The following SEM1 variants were observed in gnomAD, a reference collection of about 807,000 sequenced individuals.
The protein encoded by SEM1 is 26S proteasome complex subunit SEM1.
A neutral mutation model predicts 12.7 loss-of-function variants in SEM1; 3 were observed. The ratio of observed to expected loss-of-function variants is 0.24; its 90% CI spans 0.11 to 0.61. SEM1 has a LOEUF of 0.61. Ranked by LOEUF, SEM1 falls within the 20% of genes least tolerant of loss-of-function variation. SEM1 has a pLI of 0.88. For synonymous variants in SEM1, 30 were observed against 27.8 expected, an observed-to-expected ratio of 1.08 and a Z score of -0.25; for missense variants, 59 against 81.3, an observed-to-expected ratio of 0.73 and a Z score of 1.06.
intron 2 of SEM1, among the ~76,000 whole-genome samples, chr7:96,566,654 C>A (rs572516388): frequency 2.0e-4 from 30 of 151,592 alleles, no homozygotes; most frequent in African/African-American, 6.0e-4. Context: ...TTTATGTAGG[C>A]AAATTTATCA....
chr7:96,663,477 CTA>C (rs2116535554), intron 2 of SEM1, among the ~76,000 whole-genome samples: 1 of 152,218 alleles, frequency 6.6e-6, no homozygotes, highest in South Asian at 2.1e-4. Context: ...GAGTCTGAGA[CTA>C]TGATTCGGGC....
At chr7:96,697,906 C>G (rs1790148812) in intron 1 of SEM1, among the ~76,000 whole-genome samples, 1 of 152,020 alleles carries the variant, frequency 6.6e-6, no homozygotes, top group Non-Finnish European at 1.5e-5. Flanking sequence ...TATCATAATG[C>G]AAACACCCGT....
intron 2 of SEM1, among the ~76,000 whole-genome samples, chr7:96,525,738 CT>C (rs901305675): frequency 6.6e-6 from 1 of 152,158 alleles, no homozygotes; most frequent in Non-Finnish European, 1.5e-5. Context: ...GAATTACTGC[CT>C]GAGCTCTACC....
intron 2 of SEM1, among the ~76,000 whole-genome samples, chr7:96,485,272 A>T (rs1486012656): frequency 6.6e-6 from 1 of 152,172 alleles, no homozygotes; most frequent in Non-Finnish European, 1.5e-5. Context: ...TAGTGGCTTA[A>T]AACAAGGCAA....
chr7:96,521,031 A>G (rs1804250827), intron 2 of SEM1, among the ~76,000 whole-genome samples: 1 of 152,118 alleles, frequency 6.6e-6, no homozygotes, highest in Non-Finnish European at 1.5e-5. Context: ...ATTTTGCTGC[A>G]AAACCTCACA....
At chr7:96,602,469 C>T (rs1807224834) in intron 2 of SEM1, among the ~76,000 whole-genome samples, 1 of 152,178 alleles carries the variant, frequency 6.6e-6, no homozygotes, top group Admixed American at 6.5e-5. Context: ...CTCTTCAGCT[C>T]ACCAATATCT....
At chr7:96,488,571 C>A (rs946028584) in intron 1 of SEM1, among the ~76,000 whole-genome samples, 1 of 152,100 alleles carries the variant, frequency 6.6e-6, no homozygotes, top group African/African-American at 2.4e-5. Context: ...GCCAGGGAAG[C>A]CTTTCTGCTT....
At chr7:96,535,025 C>T (rs915267005) in intron 2 of SEM1, among the ~76,000 whole-genome samples, 1 of 151,778 alleles carries the variant, frequency 6.6e-6, no homozygotes, top group African/African-American at 2.4e-5. Context: ...AAACTTGAGG[C>T]CTTCTGTTCT....
chr7:96,486,723 G>C (rs1282443723), intron 1 of SEM1, among the ~76,000 whole-genome samples: 1 of 152,156 alleles, frequency 6.6e-6, no homozygotes, highest in Admixed American at 6.5e-5. Context: ...GTATATAATA[G>C]TAGCCTTTGA....
chr7:96,499,160 A>G (rs1226926079), upstream of SEM1, among the ~76,000 whole-genome samples: 1 of 150,842 alleles, frequency 6.6e-6, no homozygotes, highest in Non-Finnish European at 1.5e-5. Context: ...CAGCTTCACA[A>G]TTTTTGAAGT....
At chr7:96,523,584 C>T (rs904952321) in intron 2 of SEM1, among the ~76,000 whole-genome samples, 15 of 152,226 alleles carry the variant, frequency 9.9e-5, no homozygotes, top group South Asian at 6.2e-4. Context: ...GCTTTTGTTG[C>T]GGTTCAGACC....
Position 96,709,678 on chromosome 7 carries a change from C to G in SEM1, c.76+10G>C. The G allele has an allele frequency of 1.2e-6, 2 of 1,613,090 alleles. No individual in the cohort carries two copies. Among genetic ancestry groups the G allele is most frequent in the South Asian group, 2.2e-5 (2 of 91,036 alleles). On this transcript the variant is annotated intron_variant, in intron 1 of 2. Coordinates refer to ENST00000248566, the MANE Select transcript of SEM1 (RefSeq NM_006304.2). ...TTCGCGCGACACAGAAACCGGGGCCCAGCGGTTACCTTCGGCAGGGAACTC... is the reference window on the plus strand; with the variant it reads ...TTCGCGCGACACAGAAACCGGGGCCGAGCGGTTACCTTCGGCAGGGAACTC...
intron 1 of SEM1, among the ~76,000 whole-genome samples, chr7:96,704,351 A>G (rs1014291351): frequency 6.6e-6 from 1 of 152,146 alleles, no homozygotes; most frequent in Non-Finnish European, 1.5e-5. Flanking sequence ...TTTTTAATTT[A>G]TACTCTCATT....
intron 1 of SEM1, among the ~76,000 whole-genome samples, chr7:96,707,745 G>A (rs930093742): frequency 1.3e-5 from 2 of 152,192 alleles, no homozygotes; most frequent in Admixed American, 1.3e-4. Context: ...ACTCGCAAAA[G>A]CTGATGAAAG....
At chr7:96,508,993 C>CTTTT (rs11438472) in intron 2 of SEM1, among the ~76,000 whole-genome samples, 1 of 142,850 alleles carries the variant, frequency 7.0e-6, no homozygotes, top group Non-Finnish European at 1.5e-5. Context: ...AGAAACACAA[C>CTTTT]TTTTTTTTTT....
At chr7:96,541,275 T>C (rs955058778) in intron 2 of SEM1, among the ~76,000 whole-genome samples, 6 of 151,826 alleles carry the variant, frequency 4.0e-5, no homozygotes, top group African/African-American at 1.2e-4. Flanking sequence ...TTTTTAGTAA[T>C]TGTCATTCTG....
downstream of SEM1, among the ~76,000 whole-genome samples, chr7:96,621,096 A>C (rs184348424): frequency 6.6e-6 from 1 of 152,186 alleles, no homozygotes; most frequent in Non-Finnish European, 1.5e-5. Context: ...ACCAATGAGA[A>C]TCTACTGTAC....
intron 2 of SEM1, among the ~76,000 whole-genome samples, chr7:96,507,470 C>T (rs1803790491): frequency 6.6e-6 from 1 of 152,036 alleles, no homozygotes; most frequent in Non-Finnish European, 1.5e-5. Context: ...CAGTCTCCAA[C>T]CTTCTCCTTT....
intron 2 of SEM1, among the ~76,000 whole-genome samples, chr7:96,575,011 G>A (rs193113070): frequency 5.9e-5 from 9 of 152,240 alleles, no homozygotes; most frequent in Middle Eastern, 3.4e-3. Context: ...CCTTGCTGGC[G>A]AGGACTTGTG....
Sources: allele counts gnomAD v4.1 joint callset (sites outside exome capture counted in the v4.1 genomes callset), GRCh38; gene constraint gnomAD v4.1.1; transcripts MANE v1.5; gene names NCBI Gene and HGNC (gene_info 2026-07-23, HGNC 2026-07-21).